KCND3: variants seen among roughly 807,000 people sequenced by gnomAD.
KCND3 encodes potassium voltage-gated channel subfamily D member 3, also known as A-type voltage-gated potassium channel KCND3.
KCND3 carries 9 observed loss-of-function variants against 51.1 expected under a neutral mutation model. The ratio of observed to expected loss-of-function variants is 0.18; its 90% CI spans 0.11 to 0.31. The LOEUF (loss-of-function observed/expected upper bound fraction) is 0.31. Ranked by LOEUF, KCND3 falls within the 10% of genes least tolerant of loss-of-function variation. The pLI, the probability that KCND3 is intolerant of heterozygous loss-of-function variation, is 1.00. For missense variants in KCND3, 526 were observed against 903.8 expected, an observed-to-expected ratio of 0.58 and a Z score of 5.36; for synonymous variants, 349 against 368.0, an observed-to-expected ratio of 0.95 and a Z score of 0.59.
intron 2 of KCND3, among the ~76,000 whole-genome samples, chr1:111,966,960 G>A (rs958233886): frequency 6.6e-6 from 1 of 151,954 alleles, no homozygotes; most frequent in Admixed American, 6.6e-5. Context: ...GGCCAACATG[G>A]AGAAACCCCA....
chr1:111,951,157 C>CAAAAAAAA (rs71081206), intron 2 of KCND3, among the ~76,000 whole-genome samples: 16 of 30,638 alleles, frequency 5.2e-4, no homozygotes, highest in Non-Finnish European at 7.2e-4. Flanking sequence ...CAAACAAGAG[C>CAAAAAAAA]AAAAAAAAAA....
chr1:111,836,733 C>G (rs1667085176), intron 2 of KCND3, among the ~76,000 whole-genome samples: 3 of 96,336 alleles, frequency 3.1e-5, no homozygotes, highest in Admixed American at 2.7e-4. Context: ...CCCCCAGCGA[C>G]CCCTGAGCCA....
At chr1:111,863,207 CAGAA>C (rs1445799994) in intron 2 of KCND3, among the ~76,000 whole-genome samples, 4 of 152,134 alleles carry the variant, frequency 2.6e-5, no homozygotes, top group Admixed American at 1.3e-4. Context: ...AATTAAGTCT[CAGAA>C]AGGTTGTGTG....
chr1:111,941,490 G>C (rs991042038), intron 2 of KCND3, among the ~76,000 whole-genome samples: 1 of 152,072 alleles, frequency 6.6e-6, no homozygotes, highest in South Asian at 2.1e-4. Context: ...AATAAATCAG[G>C]GCCTTGTTTT....
chr1:111,984,114 C>T (rs1016140434), intron 1 of KCND3, among the ~76,000 whole-genome samples: 9 of 152,316 alleles, frequency 5.9e-5, no homozygotes, highest in African/African-American at 2.2e-4. Flanking sequence ...TGGAATTCAG[C>T]TGCTGTGATT....
intron 2 of KCND3, among the ~76,000 whole-genome samples, chr1:111,799,213 A>AG (rs1665184935): frequency 3.1e-4 from 2 of 6,474 alleles, no homozygotes; most frequent in Non-Finnish European, 4.2e-4. Context: ...AATAAATCAT[A>AG]AAAAGCAAGC....
At chr1:111,822,997 G>A (rs977728217) in intron 2 of KCND3, among the ~76,000 whole-genome samples, 1 of 152,284 alleles carries the variant, frequency 6.6e-6, no homozygotes, top group African/African-American at 2.4e-5. Context: ...AAGGTCACAC[G>A]GTTTATAAGT....
At chr1:111,776,790 A>G (rs2101454582) in intron 7 of KCND3, among the ~76,000 whole-genome samples, 1 of 151,530 alleles carries the variant, frequency 6.6e-6, no homozygotes, top group South Asian at 2.1e-4. Flanking sequence ...TTATTTTTAA[A>G]GTTTTTTTTT....
intron 2 of KCND3, among the ~76,000 whole-genome samples, chr1:111,842,295 C>T (rs949238571): frequency 6.6e-6 from 1 of 152,206 alleles, no homozygotes; most frequent in Non-Finnish European, 1.5e-5. Flanking sequence ...CCTGAGCGGG[C>T]CATGCTGCCC....
intron 2 of KCND3, among the ~76,000 whole-genome samples, chr1:111,863,303 A>T (rs540097083): frequency 6.8e-6 from 1 of 147,838 alleles, no homozygotes. Flanking sequence ...TGTGCCAGAC[A>T]TTGACTAACC....
At position 111,831,470 on chromosome 1, in the gene KCND3, G is replaced by A. The variant is rs537887652; in HGVS notation, c.1107-44364C>T. Reference sequence around the variant, plus strand: ...AAGAGCCTGCTTCCCCTGGCTGTACGTTTCCTGAGGCCTCCCCAGCCATGC... The same window carrying A: ...AAGAGCCTGCTTCCCCTGGCTGTACATTTCCTGAGGCCTCCCCAGCCATGC... On this transcript the variant is annotated intron_variant, in intron 2 of 7. Transcript: ENST00000302127. 3.9e-5 allele frequency among the ~76,000 whole-genome samples: 6 copies of A among 152,128 alleles called. No individual in the cohort carries two copies. In the South Asian group the frequency reaches 6.2e-4, roughly 16 times the overall value.
Position 111,778,224 on chromosome 1 carries a change from T to G in KCND3, c.1518+212A>C, listed in dbSNP as rs535183. Among the ~76,000 whole-genome samples the G allele has an allele frequency of 0.32, 49,016 of 151,324 alleles. 10,330 individuals are homozygous for G. The highest frequency in any genetic ancestry group is 0.61 in the African/African-American group (25,234 of 41,288). ...CCACCCCTTCCACGCCCCTGGGGAGTTCCAAAGAGGGAACTAGAAAGACAG... is the reference window on the plus strand; with the variant it reads ...CCACCCCTTCCACGCCCCTGGGGAGGTCCAAAGAGGGAACTAGAAAGACAG... On this transcript the variant is annotated intron_variant, in intron 6 of 7. Transcript: ENST00000302127.
chr1:111,952,875 T>C (rs1449981670), intron 2 of KCND3, among the ~76,000 whole-genome samples: 1 of 152,038 alleles, frequency 6.6e-6, no homozygotes, highest in Non-Finnish European at 1.5e-5. Flanking sequence ...TCTTCTCAGC[T>C]CTTCCTCTTG....
intron 2 of KCND3, among the ~76,000 whole-genome samples, chr1:111,900,784 C>G (rs1364265006): frequency 6.6e-6 from 1 of 152,144 alleles, no homozygotes; most frequent in African/African-American, 2.4e-5. Flanking sequence ...TGGTGAAACC[C>G]CGTCTCTACT....
intron 2 of KCND3, among the ~76,000 whole-genome samples, chr1:111,804,566 G>A (rs1174058021): frequency 6.6e-6 from 1 of 152,226 alleles, no homozygotes; most frequent in Non-Finnish European, 1.5e-5. Flanking sequence ...TGTAGCCTCT[G>A]TGGGAAATCT....
At chr1:111,781,969 C>T (rs1233448822) in intron 3 of KCND3, among the ~76,000 whole-genome samples, 5 of 152,178 alleles carry the variant, frequency 3.3e-5, no homozygotes, top group Non-Finnish European at 7.3e-5. Context: ...GGTTTGGGCT[C>T]TGTAAATCTA....
At chr1:111,912,976 A>G (rs899008920) in intron 2 of KCND3, among the ~76,000 whole-genome samples, 2 of 152,224 alleles carry the variant, frequency 1.3e-5, no homozygotes, top group Non-Finnish European at 2.9e-5. Flanking sequence ...CAATGTTTAT[A>G]AAGTCCATAC....
At chr1:111,855,129 A>T (rs1668004931) in intron 2 of KCND3, among the ~76,000 whole-genome samples, 1 of 152,202 alleles carries the variant, frequency 6.6e-6, no homozygotes. Context: ...CCTTAGGCCC[A>T]TGGGGGAGGT....
At chr1:111,818,191 G>A (rs1317421213) in intron 2 of KCND3, among the ~76,000 whole-genome samples, 1 of 152,286 alleles carries the variant, frequency 6.6e-6, no homozygotes, top group Middle Eastern at 3.4e-3. Context: ...CAGTTGGTGT[G>A]GGGAGGGGAT....
Sources: allele counts gnomAD v4.1 joint callset (sites outside exome capture counted in the v4.1 genomes callset), GRCh38; gene constraint gnomAD v4.1.1; transcripts MANE v1.5; gene names NCBI Gene and HGNC (gene_info 2026-07-23, HGNC 2026-07-21).